Variants in UBXN7 observed in about 807,000 individuals in gnomAD.
The protein encoded by UBXN7 is UBX domain protein 7.
UBXN7 carries 9 observed loss-of-function variants against 58.0 expected under a neutral mutation model. That is an observed-to-expected ratio of 0.16 (90% CI 0.09 to 0.27). The LOEUF is 0.27. Among genes scored for constraint, UBXN7 ranks in the 10% least tolerant of loss-of-function variants. UBXN7 has a pLI of 1.00. For missense variants in UBXN7, 328 were observed against 599.6 expected (o/e 0.55, Z 4.73); for synonymous variants, 208 against 205.0 (o/e 1.01, Z -0.12).
chr3:196,373,794 A>G (rs542475233), intron 5 of UBXN7, among the ~76,000 whole-genome samples: 1 of 152,134 alleles, frequency 6.6e-6, no homozygotes, highest in Non-Finnish European at 1.5e-5. Flanking sequence ...CTAGCCTCAA[A>G]TGATCCTCCT....
intron 3 of UBXN7, chr3:196,400,344 A>G (rs1054477515): frequency 1.3e-5 from 2 of 152,298 alleles, no homozygotes; most frequent in African/African-American, 2.4e-5. Flanking sequence ...AATAGTTTCT[A>G]AAGACCCATT....
intron 8 of UBXN7, among the ~76,000 whole-genome samples, chr3:196,362,974 GCT>G (rs1728546767): frequency 6.6e-6 from 1 of 152,020 alleles, no homozygotes; most frequent in South Asian, 2.1e-4. Flanking sequence ...CACGAACTCG[GCT>G]CACTGCAACC....
At chr3:196,395,338 A>G (rs951563882) in intron 3 of UBXN7, among the ~76,000 whole-genome samples, 1 of 152,238 alleles carries the variant, frequency 6.6e-6, no homozygotes, top group Non-Finnish European at 1.5e-5. Flanking sequence ...TTTTGTTTAA[A>G]ACATATATTC....
At chr3:196,366,139 T>C (rs1313855728) in intron 8 of UBXN7, among the ~76,000 whole-genome samples, 1 of 152,112 alleles carries the variant, frequency 6.6e-6, no homozygotes, top group African/African-American at 2.4e-5. Context: ...AAGATTTCTA[T>C]ACTATCCCTT....
In UBXN7 at chr3:196,354,446, T is replaced by C. The variant is rs527944499; in HGVS notation, c.*2239A>G. 1 of 152,228 alleles carries C rather than the reference T, an allele frequency of 6.6e-6. No homozygotes were observed. The highest frequency in any genetic ancestry group is 6.5e-5 in the Admixed American group (1 of 15,282). 9.4% of individuals were successfully genotyped at this position (152,228 alleles called of 1,614,324 possible). On this transcript the variant is annotated 3_prime_UTR_variant, in exon 11 of 11. Coordinates refer to ENST00000296328, the MANE Select transcript of UBXN7 (RefSeq NM_015562.2). ...AAACAGAGCCCTATAGGAAAAATGA[T>C]TGACTTCACACGTTTGAGCGATTTG... is the stretch of plus-strand genomic sequence containing the variant.
At chr3:196,414,853 T>C (rs1730432130) in intron 1 of UBXN7, among the ~76,000 whole-genome samples, 1 of 152,172 alleles carries the variant, frequency 6.6e-6, no homozygotes, top group Non-Finnish European at 1.5e-5. Flanking sequence ...GAACCAAAAG[T>C]TAAGTTGTAG....
At chr3:196,427,665 T>C (rs1233282021) in intron 1 of UBXN7, among the ~76,000 whole-genome samples, 1 of 152,240 alleles carries the variant, frequency 6.6e-6, no homozygotes, top group African/African-American at 2.4e-5. Context: ...TCCAGCTGCA[T>C]ATTTTTCCTT....
chr3:196,405,253 C>T (rs1482288882), intron 2 of UBXN7, among the ~76,000 whole-genome samples: 2 of 151,896 alleles, frequency 1.3e-5, no homozygotes, highest in African/African-American at 2.4e-5. Context: ...AGGTGGATCA[C>T]GAGGTCAGGA....
intron 5 of UBXN7, among the ~76,000 whole-genome samples, chr3:196,379,911 G>C (rs1017062604): frequency 6.6e-6 from 1 of 152,098 alleles, no homozygotes; most frequent in African/African-American, 2.4e-5. Context: ...AGGGTTCTTG[G>C]ATCTAGTGCA....
Position 196,393,466 on chromosome 3 carries a change from T to TA in UBXN7, c.355+87dup, listed in dbSNP as rs1009255905. On this transcript the variant is annotated intron_variant, in intron 4 of 10. Transcript: ENST00000296328. Reference sequence around the variant, plus strand: ...TCACTTTTTAAAGAAGGTGAAAACTTAAAAGTAATTGGGCCTAATAGTAAT... The same window carrying TA: ...TCACTTTTTAAAGAAGGTGAAAACTTAAAAAGTAATTGGGCCTAATAGTAAT... 1.6e-5 allele frequency: 21 copies of TA among 1,279,130 alleles called. No homozygotes were observed. The African/African-American group carries it at 2.4e-4, about 15-fold the overall frequency. The allele number at this position is 1,279,130 out of a possible 1,614,324, so 79.2% of individuals were successfully genotyped here. A position where few individuals can be genotyped will look rare whatever the true frequency, so the allele number is the denominator to read the frequency against.
Position 196,362,631 on chromosome 3 carries a change from G to C in UBXN7, c.891C>G (p.Ser297=), listed in dbSNP as rs1271336624. 6.2e-7 allele frequency: 1 copy of C among 1,613,532 alleles called. No homozygotes were observed. Among genetic ancestry groups the C allele is most frequent in the Admixed American group, 1.7e-5 (1 of 60,004 alleles). The change falls in exon 9 of 11, where the codon TCC becomes TCG. Residue 297 remains serine (S), a synonymous_variant. Transcript: ENST00000296328. ...TTGAATCAAAATGTGTTTCTTGTAA[G>C]GAGGCTCTGATGGCAGCTTCTAGCT... ...DSQLEAAIRA[S]LQETHFDSTQ...
At chr3:196,412,217 C>A (rs1458729142) in intron 1 of UBXN7, among the ~76,000 whole-genome samples, 1 of 111,254 alleles carries the variant, frequency 9.0e-6, no homozygotes, top group African/African-American at 3.5e-5. Context: ...GGTGACAGAG[C>A]GAGACTTTGT....
At chr3:196,426,711 G>T (rs897238208) in intron 1 of UBXN7, among the ~76,000 whole-genome samples, 6 of 151,766 alleles carry the variant, frequency 4.0e-5, no homozygotes, top group African/African-American at 1.5e-4. Flanking sequence ...AGCCGGGCGT[G>T]GTGGCGCATG....
In UBXN7 at chr3:196,362,685, C is replaced by T; in HGVS notation, c.837G>A (p.Glu279=). The T allele has an allele frequency of 6.2e-7, 1 of 1,600,876 alleles. No individual in the cohort carries two copies. Among genetic ancestry groups the T allele is most frequent in the Non-Finnish European group, 8.5e-7 (1 of 1,170,284 alleles). Residue 279 remains glutamate (E), a splice_region_variant and synonymous_variant, in exon 9 of 11, where the codon GAG becomes GAA. Transcript: ENST00000296328. The stretch of plus-strand genomic sequence containing the variant: ...TGTCTTCACTTGCATCTATAAGGCT[C>T]TCCTGTGAGATGGAGTCATAAAACA... The part of the protein sequence containing the change: ...SSPPKKCARS[E]SLIDASEDSQ...
chr3:196,367,902 T>C (rs1422630040), intron 8 of UBXN7, 126 bp downstream of exon 8: 2 of 1,325,372 alleles, frequency 1.5e-6, no homozygotes, highest in African/African-American at 3.0e-5. Context: ...TCTAAGATGC[T>C]ATAGCCACAG....
chr3:196,372,326 CCT>C (rs1380894642), intron 5 of UBXN7, among the ~76,000 whole-genome samples: 25 of 143,234 alleles, frequency 1.7e-4, no homozygotes, highest in East Asian at 8.1e-4. Context: ...CTCTCTCTCT[CCT>C]TTCTTTCTTT....
chr3:196,392,506 CA>C (rs889025547), intron 4 of UBXN7, among the ~76,000 whole-genome samples: 74 of 138,018 alleles, frequency 5.4e-4, no homozygotes, highest in Admixed American at 5.1e-4. Flanking sequence ...GACTCCATCT[CA>C]AAAAAAAAAA....
intron 3 of UBXN7, among the ~76,000 whole-genome samples, chr3:196,398,101 T>C (rs1445428311): frequency 6.6e-6 from 1 of 152,204 alleles, no homozygotes; most frequent in African/African-American, 2.4e-5. Context: ...GCTTCCGTTT[T>C]GGGCTGCCCT....
intron 5 of UBXN7, among the ~76,000 whole-genome samples, chr3:196,382,511 C>T (rs1401174492): frequency 6.6e-6 from 1 of 152,168 alleles, no homozygotes; most frequent in East Asian, 1.9e-4. Flanking sequence ...AAAGAAACAA[C>T]CGGTGCCAGC....
Sources: allele counts gnomAD v4.1 joint callset (sites outside exome capture counted in the v4.1 genomes callset), GRCh38; gene constraint gnomAD v4.1.1; transcripts MANE v1.5; gene names NCBI Gene and HGNC (gene_info 2026-07-23, HGNC 2026-07-21).